PEX14: variants seen among roughly 807,000 people sequenced by gnomAD.
PEX14 encodes the protein peroxisomal membrane protein PEX14.
Under a neutral mutation model 49.5 loss-of-function variants are expected in PEX14, and 15 were observed. That is an observed-to-expected ratio of 0.30 (90% CI 0.20 to 0.47). PEX14 has a LOEUF of 0.47. PEX14 is among the 20% of genes least tolerant of loss of function. PEX14 has a pLI of 1.00. For synonymous variants in PEX14, 210 were observed against 212.7 expected (o/e 0.99, Z 0.11); for missense variants, 398 against 494.8 (o/e 0.80, Z 1.86).
intron 1 of PEX14, among the ~76,000 whole-genome samples, chr1:10,483,574 C>T (rs1364107561): frequency 1.3e-5 from 2 of 151,888 alleles, no homozygotes; most frequent in Admixed American, 6.6e-5. Flanking sequence ...CTCGGCCCCC[C>T]AAAGTGCTGG....
At chr1:10,553,099 C>T (rs1046846695) in intron 3 of PEX14, among the ~76,000 whole-genome samples, 13 of 152,080 alleles carry the variant, frequency 8.5e-5, no homozygotes, top group African/African-American at 3.1e-4. Context: ...TTCATGCTAG[C>T]GTTTTAGAAA....
intron 2 of PEX14, among the ~76,000 whole-genome samples, chr1:10,525,320 T>TAA (rs199862806): frequency 1.4e-3 from 198 of 145,664 alleles, no homozygotes; most frequent in Non-Finnish European, 2.0e-3. Context: ...GAAAGATGTG[T>TAA]AAAAAAAAAA....
intron 2 of PEX14, among the ~76,000 whole-genome samples, chr1:10,505,171 G>T (rs1641759919): frequency 6.6e-6 from 1 of 152,018 alleles, no homozygotes; most frequent in Non-Finnish European, 1.5e-5. Flanking sequence ...TAAAGAACAG[G>T]TATTAAACAT....
intron 4 of PEX14, among the ~76,000 whole-genome samples, chr1:10,602,454 T>C (rs1374487694): frequency 6.6e-6 from 1 of 151,940 alleles, no homozygotes; most frequent in Non-Finnish European, 1.5e-5. Flanking sequence ...TTGATTAATA[T>C]AGAGAAACAA....
chr1:10,480,866 TATA>T (rs748243991), intron 1 of PEX14, among the ~76,000 whole-genome samples: 82 of 147,744 alleles, frequency 5.6e-4, no homozygotes, highest in Admixed American at 2.4e-3. Flanking sequence ...TCTCTATATA[TATA>T]TTTTTTTTTT....
rs577181530 is a variant in PEX14 at position 10,573,229 on chromosome 1, C to A, written c.170-26009C>A. Among the ~76,000 whole-genome samples, 145 of 152,282 alleles carry A rather than the reference C, an allele frequency of 9.5e-4. 1 individual carries two copies. Among genetic ancestry groups the A allele is most frequent in the African/African-American group, 3.2e-3 (135 of 41,560 alleles). On this transcript the variant is annotated intron_variant, in intron 3 of 8. Coordinates refer to ENST00000356607, the MANE Select transcript of PEX14 (RefSeq NM_004565.3). ...TATTCATCTGACGGAGGTCTTGTAT[C>A]TAATATATAGAGAACTCCTACAAAT...
chr1:10,486,740 T>G (rs1641375981), intron 1 of PEX14, among the ~76,000 whole-genome samples: 1 of 148,334 alleles, frequency 6.7e-6, no homozygotes, highest in South Asian at 2.1e-4. Flanking sequence ...CAGGCTGGAG[T>G]GCAGTGGCGC....
At position 10,512,592 on chromosome 1, in the gene PEX14, A is replaced by G. The variant is rs1641903217; in HGVS notation, c.84+17271A>G. Among the ~76,000 whole-genome samples, 1 of 152,232 alleles carries G rather than the reference A, an allele frequency of 6.6e-6. No homozygotes were observed. Among genetic ancestry groups the G allele is most frequent in the Non-Finnish European group, 1.5e-5 (1 of 68,036 alleles). ...CACATTTGTCAAATCCTTAAATCCA[A>G]CTGAACTAATTTTAGAAGTAGCTAG... On this transcript the variant is annotated intron_variant, in intron 2 of 8. Coordinates refer to ENST00000356607, the MANE Select transcript of PEX14 (RefSeq NM_004565.3). The surrounding 1 kb of genome is among the most constrained non-coding windows in gnomAD (Gnocchi z 4.6).
chr1:10,505,008 A>T (rs1641757000), intron 2 of PEX14, among the ~76,000 whole-genome samples: 1 of 151,044 alleles, frequency 6.6e-6, no homozygotes, highest in Admixed American at 6.6e-5. Flanking sequence ...TGGTCTCAAA[A>T]CTCCTGACCT....
intron 1 of PEX14, among the ~76,000 whole-genome samples, chr1:10,492,104 T>A (rs1641484602): frequency 1.3e-5 from 2 of 152,212 alleles, no homozygotes; most frequent in Non-Finnish European, 2.9e-5. Context: ...ATATTGAATT[T>A]TCTAAAACAA....
chr1:10,625,395 T>C (rs1398963106), intron 7 of PEX14, among the ~76,000 whole-genome samples: 1 of 152,216 alleles, frequency 6.6e-6, no homozygotes, highest in East Asian at 1.9e-4. Context: ...CATCCCGAGT[T>C]GCTTACCCAG....
chr1:10,546,134 T>C (rs919538912), intron 3 of PEX14, among the ~76,000 whole-genome samples: 1 of 152,194 alleles, frequency 6.6e-6, no homozygotes, highest in African/African-American at 2.4e-5. Context: ...AAGGGCTTAA[T>C]TGATGACAAC....
chr1:10,511,147 T>C (rs1641876094), intron 2 of PEX14, among the ~76,000 whole-genome samples: 1 of 152,270 alleles, frequency 6.6e-6, no homozygotes, highest in African/African-American at 2.4e-5. Flanking sequence ...CCCAGATGAC[T>C]CACCATTCTA....
Position 10,618,430 on chromosome 1 carries a change from C to A in PEX14, c.384+13C>A. 4.4e-6 allele frequency: 7 copies of A among 1,600,700 alleles called. No individual in the cohort carries two copies. In the African/African-American group the frequency reaches 5.4e-5, roughly 12 times the overall value. On this transcript the variant is annotated intron_variant, in intron 5 of 8. Transcript: ENST00000356607. ...CCAGCTCTACAAGGTGAGTCACCCC[C>A]AGCGGCTGCAGGTGCTGTGCCCCTG...
intron 1 of PEX14, among the ~76,000 whole-genome samples, chr1:10,490,750 G>A (rs1641457137): frequency 6.8e-6 from 1 of 146,616 alleles, no homozygotes; most frequent in Non-Finnish European, 1.5e-5. Context: ...TACCCAGGCT[G>A]GAGTGCAGTG....
rs150567710 is a variant in PEX14 at position 10,593,016 on chromosome 1, A to G, written c.170-6222A>G. 2.8e-3 allele frequency among the ~76,000 whole-genome samples: 426 copies of G among 152,310 alleles called. 2 individuals carry two copies. The highest frequency in any genetic ancestry group is 4.9e-3 in the Admixed American group (75 of 15,296). ...GCCTTCTCTTTAGGCTTCGAGTGGA[A>G]CAAGCCTGCCAGTTTCCTCAGTCTT... On this transcript the variant is annotated intron_variant, in intron 3 of 8. Coordinates refer to ENST00000356607, the MANE Select transcript of PEX14 (RefSeq NM_004565.3).
At chr1:10,603,075 T>A (rs991001390) in intron 4 of PEX14, among the ~76,000 whole-genome samples, 3 of 152,016 alleles carry the variant, frequency 2.0e-5, no homozygotes, top group Non-Finnish European at 4.4e-5. Flanking sequence ...CAGTGGCAGG[T>A]GTGCCACTGA....
At chr1:10,509,200 G>A (rs1405660605) in intron 2 of PEX14, among the ~76,000 whole-genome samples, 1 of 151,988 alleles carries the variant, frequency 6.6e-6, no homozygotes, top group East Asian at 1.9e-4. Flanking sequence ...CGCCTGCCTC[G>A]GCCTCCCAAA....
At chr1:10,573,982 T>C (rs1337781849) in intron 3 of PEX14, among the ~76,000 whole-genome samples, 1 of 152,098 alleles carries the variant, frequency 6.6e-6, no homozygotes, top group Non-Finnish European at 1.5e-5. Context: ...ATACCTGTAA[T>C]TCCCTGCTAC....
Sources: allele counts gnomAD v4.1 joint callset (sites outside exome capture counted in the v4.1 genomes callset), GRCh38; gene constraint gnomAD v4.1.1; non-coding constraint Gnocchi (gnomAD v3.1); transcripts MANE v1.5; gene names NCBI Gene and HGNC (gene_info 2026-07-23, HGNC 2026-07-21).